TMEM237: variants seen among roughly 807,000 people sequenced by gnomAD.
The protein encoded by TMEM237 is transmembrane protein 237.
Under a neutral mutation model 59.1 loss-of-function variants are expected in TMEM237, and 51 were observed. That is an observed-to-expected ratio of 0.86 (90% CI 0.69 to 1.09). The LOEUF is 1.09. Among genes scored for constraint, TMEM237 ranks in the 50% least tolerant of loss-of-function variants. The pLI is 0.00. For synonymous variants in TMEM237, 140 were observed against 166.1 expected (o/e 0.84, Z 1.21); for missense variants, 475 against 478.3 (o/e 0.99, Z 0.06).
chr2:201,629,134 T>G, intron 9 of TMEM237, 96 bp downstream of exon 9: 1 of 1,010,466 alleles, frequency 9.9e-7, no homozygotes, highest in Non-Finnish European at 1.3e-6. Context: ...ATTGATACTC[T>G]ATAATTCTAT....
chr2:201,639,060 A>G lies in TMEM237; in HGVS notation c.80-15T>C. ...TGGAATATCATCTATAAAGCAAGAA[A>G]AAACGTCAACAGAAAAGGGTGCCTA... is the stretch of plus-strand genomic sequence containing the variant. On this transcript the variant is annotated splice_polypyrimidine_tract_variant and intron_variant, in intron 3 of 12. Transcript: ENST00000409883. 1 of 1,568,220 alleles carries G rather than the reference A, an allele frequency of 6.4e-7. No homozygotes were observed. Among genetic ancestry groups the G allele is most frequent in the Non-Finnish European group, 8.7e-7 (1 of 1,155,662 alleles).
At chr2:201,630,609 T>C (rs999701318) in intron 7 of TMEM237, among the ~76,000 whole-genome samples, 7 of 152,156 alleles carry the variant, frequency 4.6e-5, no homozygotes, top group South Asian at 2.1e-4. Flanking sequence ...GGGCAGACAA[T>C]AGAACCACTG....
intron 5 of TMEM237, 200 bp downstream of exon 5, chr2:201,636,548 C>T (rs566851932): frequency 5.2e-6 from 3 of 580,078 alleles, no homozygotes; most frequent in East Asian, 3.1e-5. Context: ...ATAATCTATA[C>T]ATATATGATC....
intron 11 of TMEM237, among the ~76,000 whole-genome samples, chr2:201,626,762 C>T (rs1272731310): frequency 6.6e-6 from 1 of 152,108 alleles, no homozygotes; most frequent in African/African-American, 2.4e-5. Flanking sequence ...GGGCTCCTTC[C>T]GTCCATCATA....
rs1000681966 is a variant in TMEM237 at position 201,635,063 on chromosome 2, A to T, written c.275-1632T>A. On this transcript the variant is annotated intron_variant, in intron 5 of 12. Coordinates refer to ENST00000409883, the MANE Select transcript of TMEM237 (RefSeq NM_001044385.3). This position sits in a 1 kb window ranked among gnomAD's most constrained non-coding sequence, Gnocchi z 4.5. The stretch of plus-strand genomic sequence containing the variant: ...AGTCATAATGCTCAAAATATAAAAA[A>T]TTAGTAAAATAAATGAAGGAAGAAA... 6.6e-6 allele frequency among the ~76,000 whole-genome samples: 1 copy of T among 152,240 alleles called. No individual in the cohort carries two copies. Among genetic ancestry groups the T allele is most frequent in the African/African-American group, 2.4e-5 (1 of 41,458 alleles).
chr2:201,640,299 C>A, intron 2 of TMEM237, 34 bp from the exon 3 acceptor site: 1 of 1,545,768 alleles, frequency 6.5e-7, no homozygotes, highest in East Asian at 2.4e-5. Context: ...CAAATTTAAT[C>A]AGCAGGACAA....
rs767990709 is a variant in TMEM237, at chr2:201,640,873, TTACTG to T, written c.74+15_74+19del. 1 of 1,556,046 alleles carries T rather than the reference TTACTG, an allele frequency of 6.4e-7. No homozygotes were observed. The highest frequency in any genetic ancestry group is 1.2e-5 in the South Asian group (1 of 81,396). On this transcript the variant is annotated intron_variant, in intron 2 of 12. Transcript: ENST00000409883. ...CCATTTTTAAAGCTCAATAATGAAA[TTACTG>T]TAAATTATTTTTACCTTGGCACAGG...
In TMEM237 at chr2:201,636,878, A is replaced by T; in HGVS notation, c.144T>A (p.Ala48=). Residue 48 remains alanine, a synonymous_variant, in exon 5 of 13, where the codon GCT becomes GCA. Coordinates refer to ENST00000409883, the MANE Select transcript of TMEM237 (RefSeq NM_001044385.3). Reference sequence around the variant, plus strand: ...CAGTCTGAGCAAGGCCTTCCAAAGAAGCACTTGCTATAGAAAAACAGAGTA... The same window carrying T: ...CAGTCTGAGCAAGGCCTTCCAAAGATGCACTTGCTATAGAAAAACAGAGTA... ...KPRTKNTPAS[A]SLEGLAQTAG... 1 of 1,601,332 alleles carries T rather than the reference A, an allele frequency of 6.2e-7. No individual in the cohort carries two copies. Among genetic ancestry groups the T allele is most frequent in the Non-Finnish European group, 8.5e-7 (1 of 1,175,750 alleles).
intron 4 of TMEM237, 77 bp downstream of exon 4, chr2:201,638,912 C>T: frequency 7.2e-7 from 1 of 1,396,494 alleles, no homozygotes; most frequent in Admixed American, 2.2e-5. Context: ...CCTTAATTCT[C>T]CCTTATCTGT....
In TMEM237 at chr2:201,624,403, G is replaced by A. The variant is rs1446641796; in HGVS notation, c.1160-81C>T. 5 of 1,025,850 alleles carry A rather than the reference G, an allele frequency of 4.9e-6. No homozygotes were observed. The East Asian group carries it at 1.3e-4, about 26-fold the overall frequency. 63.5% of individuals were successfully genotyped at this position (1,025,850 alleles called of 1,614,324 possible). A position where few individuals can be genotyped will look rare whatever the true frequency, so the allele number is the denominator to read the frequency against. ...GAGTTGTATAGCTTATTTATAAATA[G>A]TCCTTTAAAAAATTGACATAATATA... On this transcript the variant is annotated intron_variant, in intron 12 of 12. Transcript: ENST00000409883.
At chr2:201,639,078 G>C (rs1278574001) in intron 3 of TMEM237, 33 bp from the exon 4 acceptor site, 1 of 1,548,846 alleles carries the variant, frequency 6.5e-7, no homozygotes, top group East Asian at 2.4e-5. Context: ...AACAGAAAAG[G>C]GTGCCTAAAA....
chr2:201,632,586 C>A (rs1221200493), intron 6 of TMEM237, among the ~76,000 whole-genome samples: 1 of 152,168 alleles, frequency 6.6e-6, no homozygotes, highest in African/African-American at 2.4e-5. Context: ...GAGATCTGAT[C>A]GTTTTGTAAG....
At chr2:201,633,196 A>G in intron 6 of TMEM237, 115 bp downstream of exon 6, 1 of 1,029,328 alleles carries the variant, frequency 9.7e-7, no homozygotes, top group South Asian at 1.9e-5. Context: ...CTTATCCTAG[A>G]GGTACACAAA....
intron 4 of TMEM237, among the ~76,000 whole-genome samples, chr2:201,638,279 A>T (rs564543685): frequency 6.6e-6 from 1 of 152,352 alleles, no homozygotes; most frequent in Admixed American, 6.5e-5. Flanking sequence ...AAAAAGGAGC[A>T]GCAACCACAG....
intron 12 of TMEM237, among the ~76,000 whole-genome samples, chr2:201,624,801 T>C (rs1333726517): frequency 1.3e-5 from 2 of 152,198 alleles, no homozygotes; most frequent in African/African-American, 4.8e-5. Flanking sequence ...CATTTTATAC[T>C]TACTTTTTAA....
rs983659454 is a variant in TMEM237 at position 201,640,774 on chromosome 2, A to T, written c.74+119T>A. 2.2e-5 allele frequency: 19 copies of T among 853,690 alleles called. No individual in the cohort carries two copies. The African/African-American group carries it at 3.3e-4, about 15-fold the overall frequency. 52.9% of individuals were successfully genotyped at this position (853,690 alleles called of 1,614,324 possible). On this transcript the variant is annotated intron_variant, in intron 2 of 12. Coordinates refer to ENST00000409883, the MANE Select transcript of TMEM237 (RefSeq NM_001044385.3). The stretch of plus-strand genomic sequence containing the variant: ...CTTTAAAATTTCAGAAAATCCCTAA[A>T]TTTTTCAGAAGAGTTTCCTGAATCA...
chr2:201,629,104 T>C, intron 9 of TMEM237, 126 bp downstream of exon 9: 1 of 706,988 alleles, frequency 1.4e-6, no homozygotes, highest in Non-Finnish European at 2.0e-6. Flanking sequence ...TAGACTGGCC[T>C]TAAAACTTTT....
intron 6 of TMEM237, 114 bp from the exon 7 acceptor site, chr2:201,632,322 T>C: frequency 8.4e-7 from 1 of 1,196,094 alleles, no homozygotes; most frequent in Non-Finnish European, 1.2e-6. Flanking sequence ...AGTTAAGAAA[T>C]GTGGTTTTTA....
In TMEM237 at chr2:201,643,274, G is replaced by GCCCCCCCCCCCCCCCCCCCCCCCCC; in HGVS notation, c.42+84_42+85insGGGGGGGGGGGGGGGGGGGGGGGGG. On this transcript the variant is annotated intron_variant, in intron 1 of 12. Transcript: ENST00000409883. The surrounding 1 kb of genome is among the most constrained non-coding windows in gnomAD (Gnocchi z 4.3). The stretch of plus-strand genomic sequence containing the variant: ...CCTTAGTGATTCCCAGCTCGTTGGC[G>GCCCCCCCCCCCCCCCCCCCCCCCCC]CCCCCCCACACACACCCACCCCCAC... The GCCCCCCCCCCCCCCCCCCCCCCCCC allele has an allele frequency of 8.3e-7, 1 of 1,206,758 alleles. No homozygotes were observed. 74.8% of individuals were successfully genotyped at this position (1,206,758 alleles called of 1,614,324 possible).
Sources: allele counts gnomAD v4.1 joint callset (sites outside exome capture counted in the v4.1 genomes callset), GRCh38; gene constraint gnomAD v4.1.1; non-coding constraint Gnocchi (gnomAD v3.1); transcripts MANE v1.5; gene names NCBI Gene and HGNC (gene_info 2026-07-23, HGNC 2026-07-21).